Variants in AGPAT4 observed in about 807,000 individuals in gnomAD.
AGPAT4 encodes the protein 1-acyl-sn-glycerol-3-phosphate acyltransferase delta.
A neutral mutation model predicts 48.0 loss-of-function variants in AGPAT4; 15 were observed. That is an observed-to-expected ratio of 0.31 (90% CI 0.21 to 0.48). The LOEUF is 0.48. AGPAT4 is among the 20% of genes least tolerant of loss of function. The pLI, the probability that AGPAT4 is intolerant of heterozygous loss-of-function variation, is 0.99. For missense variants in AGPAT4, 314 were observed against 482.5 expected, an observed-to-expected ratio of 0.65 and a Z score of 3.27; for synonymous variants, 178 against 198.7, an observed-to-expected ratio of 0.90 and a Z score of 0.88.
In AGPAT4 at chr6:161,144,693, T is replaced by G. The variant is rs1305527396; in HGVS notation, c.843+1831A>C. On this transcript the variant is annotated intron_variant, in intron 7 of 8. Transcript: ENST00000320285. The surrounding 1 kb of genome is among the most constrained non-coding windows in gnomAD (Gnocchi z 6.6). ...CTCTGCTTTCGGCTAAAAGTAACATTTTCGGCTGGGCACGGTGGCTCACGC... is the reference window on the plus strand; with the variant it reads ...CTCTGCTTTCGGCTAAAAGTAACATGTTCGGCTGGGCACGGTGGCTCACGC... Among the ~76,000 whole-genome samples the G allele has an allele frequency of 1.3e-5, 2 of 152,142 alleles. No homozygotes were observed. The highest frequency in any genetic ancestry group is 4.8e-5 in the African/African-American group (2 of 41,424).
intron 2 of AGPAT4, among the ~76,000 whole-genome samples, chr6:161,183,648 A>G (rs1406174007): frequency 3.5e-5 from 2 of 57,724 alleles, no homozygotes; most frequent in South Asian, 1.1e-3. Flanking sequence ...TGAGGGGAGG[A>G]GAGGGGAGGG....
rs1300275130 is a variant in AGPAT4 at position 161,254,981 on chromosome 6, C to T, written c.-90+18957G>A. 6.6e-6 allele frequency among the ~76,000 whole-genome samples: 1 copy of T among 152,176 alleles called. No individual in the cohort carries two copies. The highest frequency in any genetic ancestry group is 1.9e-4 in the East Asian group (1 of 5,196). On this transcript the variant is annotated intron_variant, in intron 1 of 8. Transcript: ENST00000320285. This position sits in a 1 kb window ranked among gnomAD's most constrained non-coding sequence, Gnocchi z 5.9. ...AAAAAGCCTCAAACTGCAGAACACA[C>T]CCGGCAAGCTGTTCTTATCGTTCCG...
At chr6:161,183,804 G>A (rs1341773133) in intron 2 of AGPAT4, among the ~76,000 whole-genome samples, 1 of 151,156 alleles carries the variant, frequency 6.6e-6, no homozygotes, top group Non-Finnish European at 1.5e-5. Flanking sequence ...ACGCGTATAT[G>A]AGAAGAGACC....
In AGPAT4 at chr6:161,153,461, C is replaced by A. The variant is rs1779650856; in HGVS notation, c.549G>T (p.Lys183Asn). ...CCACCTGCATGCTGATCTCATGCTT[C>A]TTCTCCGTGAACCGTGTGCCCTCAC... is the stretch of plus-strand genomic sequence containing the variant. ...IHCEGTRFTE[K>N]KHEISMQVAR... is the part of the protein sequence containing the mutation. Residue 183 changes from lysine (K) to asparagine (N), a missense_variant, in exon 5 of 9, where the codon AAG becomes AAT. Physicochemically the swap from Lys to Asn is moderately conservative, Grantham distance 94 (BLOSUM62 0). Coordinates refer to ENST00000320285, the MANE Select transcript of AGPAT4 (RefSeq NM_020133.3). The A allele has an allele frequency of 6.2e-7, 1 of 1,613,518 alleles. No homozygotes were observed. Among genetic ancestry groups the A allele is most frequent in the African/African-American group, 1.3e-5 (1 of 74,946 alleles).
chr6:161,218,379 T>C lies in AGPAT4; in HGVS notation c.178+13657A>G, dbSNP rs1781713732. On this transcript the variant is annotated intron_variant, in intron 2 of 8. Transcript: ENST00000320285. This position sits in a 1 kb window ranked among gnomAD's most constrained non-coding sequence, Gnocchi z 4.7. ...GAAGAGATTACCAAATTACCAGAGCTCCCTTTTAAAACATGCACGACTCCC... is the reference window on the plus strand; with the variant it reads ...GAAGAGATTACCAAATTACCAGAGCCCCCTTTTAAAACATGCACGACTCCC... Among the ~76,000 whole-genome samples, 1 of 152,158 alleles carries C rather than the reference T, an allele frequency of 6.6e-6. No homozygotes were observed. The highest frequency in any genetic ancestry group is 2.1e-4 in the South Asian group (1 of 4,832).
In AGPAT4 at chr6:161,146,513, A is replaced by C; in HGVS notation, c.843+11T>G. 6.2e-7 allele frequency: 1 copy of C among 1,613,554 alleles called. No homozygotes were observed. Among genetic ancestry groups the C allele is most frequent in the Non-Finnish European group, 8.5e-7 (1 of 1,179,920 alleles). On this transcript the variant is annotated intron_variant, in intron 7 of 8. Transcript: ENST00000320285. This position sits in a 1 kb window ranked among gnomAD's most constrained non-coding sequence, Gnocchi z 7.1. Reference sequence around the variant, plus strand: ...CAACGTGAAGGGACCCCTGGCACCCAGTGCACTGACCTTCTCCTGGTAGAG... The same window carrying C: ...CAACGTGAAGGGACCCCTGGCACCCCGTGCACTGACCTTCTCCTGGTAGAG...
At chr6:161,163,577 G>T (rs902001302) in intron 3 of AGPAT4, among the ~76,000 whole-genome samples, 3 of 152,178 alleles carry the variant, frequency 2.0e-5, no homozygotes, top group African/African-American at 2.4e-5. Context: ...TGGGGAGGGG[G>T]TTCCCTGGGA....
At position 161,180,491 on chromosome 6, in the gene AGPAT4, T is replaced by C. The variant is rs908407691; in HGVS notation, c.179-14074A>G. Among the ~76,000 whole-genome samples, 1 of 152,228 alleles carries C rather than the reference T, an allele frequency of 6.6e-6. No individual in the cohort carries two copies. The highest frequency in any genetic ancestry group is 2.4e-5 in the African/African-American group (1 of 41,456). On this transcript the variant is annotated intron_variant, in intron 2 of 8. Transcript: ENST00000320285. This position sits in a 1 kb window ranked among gnomAD's most constrained non-coding sequence, Gnocchi z 6.4. ...CGTGGGGAAATGGCCTTATGATCATTAGCTCTAACCAACTTTAACAATTAT... is the reference window on the plus strand; with the variant it reads ...CGTGGGGAAATGGCCTTATGATCATCAGCTCTAACCAACTTTAACAATTAT...
Position 161,195,356 on chromosome 6 carries a change from C to A in AGPAT4, c.179-28939G>T, listed in dbSNP as rs1025431965. Among the ~76,000 whole-genome samples the A allele has an allele frequency of 1.1e-4, 17 of 152,190 alleles. No homozygotes were observed. Among genetic ancestry groups the A allele is most frequent in the African/African-American group, 1.9e-4 (8 of 41,450 alleles). The stretch of plus-strand genomic sequence containing the variant: ...AATTATTCAGAGAAGACAAGCACTG[C>A]AGGACAACCATTGGGCGGGTTATAA... On this transcript the variant is annotated intron_variant, in intron 2 of 8. Transcript: ENST00000320285. The surrounding 1 kb of genome is among the most constrained non-coding windows in gnomAD (Gnocchi z 5.0).
At position 161,159,902 on chromosome 6, in the gene AGPAT4, G is replaced by A. The variant is rs1779874921; in HGVS notation, c.349-5592C>T. 1.3e-5 allele frequency among the ~76,000 whole-genome samples: 2 copies of A among 149,548 alleles called. No individual in the cohort carries two copies. The highest frequency in any genetic ancestry group is 6.7e-5 in the Admixed American group (1 of 14,996). On this transcript the variant is annotated intron_variant, in intron 3 of 8. Coordinates refer to ENST00000320285, the MANE Select transcript of AGPAT4 (RefSeq NM_020133.3). The surrounding 1 kb of genome is among the most constrained non-coding windows in gnomAD (Gnocchi z 4.1). Reference sequence around the variant, plus strand: ...TTCAGGTCTCCCAAAGTGCTGGGATGGGATTACAGGTGTGAGCCACCAAAC... The same window carrying A: ...TTCAGGTCTCCCAAAGTGCTGGGATAGGATTACAGGTGTGAGCCACCAAAC...
rs1309378141 is a variant in AGPAT4, at chr6:161,233,396, G to A, written c.-89-1094C>T. Reference sequence around the variant, plus strand: ...GCCTGGCAGACTACCCCAGGAAGACGTCTAATGTTACGACAAACTTTCTAA... The same window carrying A: ...GCCTGGCAGACTACCCCAGGAAGACATCTAATGTTACGACAAACTTTCTAA... On this transcript the variant is annotated intron_variant, in intron 1 of 8. Transcript: ENST00000320285. This position sits in a 1 kb window ranked among gnomAD's most constrained non-coding sequence, Gnocchi z 5.4. Among the ~76,000 whole-genome samples the A allele has an allele frequency of 1.3e-5, 2 of 152,192 alleles. No individual in the cohort carries two copies. The highest frequency in any genetic ancestry group is 1.9e-4 in the East Asian group (1 of 5,206).
In AGPAT4 at chr6:161,140,456, G is replaced by A. The variant is rs550825136; in HGVS notation, c.844-836C>T. The stretch of plus-strand genomic sequence containing the variant: ...ACTCCAGAGCCTCATGGCGCTCCTT[G>A]CAGTCCCTGGGTGAGAACAGGGGAC... On this transcript the variant is annotated intron_variant, in intron 7 of 8. Coordinates refer to ENST00000320285, the MANE Select transcript of AGPAT4 (RefSeq NM_020133.3). The surrounding 1 kb of genome is among the most constrained non-coding windows in gnomAD (Gnocchi z 6.5). Among the ~76,000 whole-genome samples, 2 of 152,336 alleles carry A rather than the reference G, an allele frequency of 1.3e-5. No homozygotes were observed. Among genetic ancestry groups the A allele is most frequent in the Admixed American group, 6.5e-5 (1 of 15,304 alleles).
In AGPAT4 at chr6:161,144,976, G is replaced by A. The variant is rs570425162; in HGVS notation, c.843+1548C>T. On this transcript the variant is annotated intron_variant, in intron 7 of 8. Transcript: ENST00000320285. The surrounding 1 kb of genome is among the most constrained non-coding windows in gnomAD (Gnocchi z 6.6). ...AGCCTGGGAGACAGAGTGAAACTCA[G>A]TCTCAAAAAAAAAAAATAAAAAAAG... Among the ~76,000 whole-genome samples the A allele has an allele frequency of 1.3e-5, 2 of 150,906 alleles. No individual in the cohort carries two copies. The highest frequency in any genetic ancestry group is 2.9e-5 in the Non-Finnish European group (2 of 67,986).
In AGPAT4 at chr6:161,270,048, T is replaced by C. The variant is rs532592596; in HGVS notation, c.-90+3890A>G. ...ATGACAATGTTGAAACAAATTATACTCCTTTTAAGATATTTCCTCTTATTC... is the reference window on the plus strand; with the variant it reads ...ATGACAATGTTGAAACAAATTATACCCCTTTTAAGATATTTCCTCTTATTC... On this transcript the variant is annotated intron_variant, in intron 1 of 8. Coordinates refer to ENST00000320285, the MANE Select transcript of AGPAT4 (RefSeq NM_020133.3). The surrounding 1 kb of genome is among the most constrained non-coding windows in gnomAD (Gnocchi z 5.3). Among the ~76,000 whole-genome samples the C allele has an allele frequency of 1.3e-5, 2 of 152,316 alleles. No homozygotes were observed. The highest frequency in any genetic ancestry group is 3.9e-4 in the East Asian group (2 of 5,166).
chr6:161,202,464 C>A lies in AGPAT4; in HGVS notation c.178+29572G>T, dbSNP rs367568802. 9.0e-4 allele frequency among the ~76,000 whole-genome samples: 137 copies of A among 152,204 alleles called. No individual in the cohort carries two copies. Among genetic ancestry groups the A allele is most frequent in the South Asian group, 6.4e-3 (31 of 4,820 alleles). On this transcript the variant is annotated intron_variant, in intron 2 of 8. Coordinates refer to ENST00000320285, the MANE Select transcript of AGPAT4 (RefSeq NM_020133.3). This position sits in a 1 kb window ranked among gnomAD's most constrained non-coding sequence, Gnocchi z 5.4. The stretch of plus-strand genomic sequence containing the variant: ...AGCTATGGCCTCACCTTGAAAGTTA[C>A]AAAGCACCATTTATGTCACTTAGTT...
intron 2 of AGPAT4, among the ~76,000 whole-genome samples, chr6:161,181,169 C>T (rs1780576982): frequency 6.6e-6 from 1 of 152,182 alleles, no homozygotes; most frequent in African/African-American, 2.4e-5. Flanking sequence ...AGAGTTCTTG[C>T]TGCAGGTGTT....
rs1396929759 is a variant in AGPAT4, at chr6:161,272,887, T to A, written c.-90+1051A>T. Among the ~76,000 whole-genome samples the A allele has an allele frequency of 5.3e-5, 8 of 152,182 alleles. No homozygotes were observed. Among genetic ancestry groups the A allele is most frequent in the African/African-American group, 1.9e-4 (8 of 41,436 alleles). ...GCGTGGCTAATCCATCTAAGAACAA[T>A]GCACGAAAACGAAAAACGGAGAATC... On this transcript the variant is annotated intron_variant, in intron 1 of 8. Transcript: ENST00000320285. This position sits in a 1 kb window ranked among gnomAD's most constrained non-coding sequence, Gnocchi z 4.2.
intron 1 of AGPAT4, among the ~76,000 whole-genome samples, chr6:161,237,474 A>T (rs923064105): frequency 6.6e-6 from 1 of 152,216 alleles, no homozygotes; most frequent in African/African-American, 2.4e-5. Flanking sequence ...TAAGGATGGG[A>T]GAGACAAAGG....
rs992385580 is a variant in AGPAT4 at position 161,259,298 on chromosome 6, T to C, written c.-90+14640A>G. 6.6e-6 allele frequency among the ~76,000 whole-genome samples: 1 copy of C among 152,182 alleles called. No homozygotes were observed. Among genetic ancestry groups the C allele is most frequent in the Admixed American group, 6.5e-5 (1 of 15,280 alleles). On this transcript the variant is annotated intron_variant, in intron 1 of 8. Coordinates refer to ENST00000320285, the MANE Select transcript of AGPAT4 (RefSeq NM_020133.3). The surrounding 1 kb of genome is among the most constrained non-coding windows in gnomAD (Gnocchi z 4.9). Reference sequence around the variant, plus strand: ...TTTAAATACACATTATTCTTAGTTATGGTCACAATGCCATGTAACAGACCT... The same window carrying C: ...TTTAAATACACATTATTCTTAGTTACGGTCACAATGCCATGTAACAGACCT...
Sources: gnomAD v4.1 joint callset for allele counts (sites outside exome capture counted in the v4.1 genomes callset) on GRCh38, gnomAD v4.1.1 for gene constraint, Gnocchi (gnomAD v3.1) non-coding constraint, MANE v1.5 for transcripts, NCBI Gene and HGNC (gene_info 2026-07-23, HGNC 2026-07-21) for gene names.